Variants in BNC2 observed in about 807,000 individuals in gnomAD.
The protein encoded by BNC2 is basonuclin zinc finger protein 2, also known as zinc finger protein basonuclin-2.
Under a neutral mutation model 76.3 loss-of-function variants are expected in BNC2, and 20 were observed. That is an observed-to-expected ratio of 0.26 (90% CI 0.18 to 0.38). BNC2 has a LOEUF of 0.38. Ranked by LOEUF, BNC2 falls within the 10% of genes least tolerant of loss-of-function variation. BNC2 has a pLI of 1.00. For missense variants in BNC2, 1,382 were observed against 1,399.8 expected (o/e 0.99, Z 0.20); for synonymous variants, 582 against 514.8 (o/e 1.13, Z -1.77).
chr9:16,470,865 A>G (rs11793518), intron 5 of BNC2, among the ~76,000 whole-genome samples: 49,447 of 152,114 alleles, frequency 0.33, 8,420 homozygotes, highest in African/African-American at 0.4. Context: ...AAACATAGGG[A>G]AGGAGACCCC....
chr9:16,856,277 T>TCTCACACA (rs1554752004), intron 1 of BNC2, among the ~76,000 whole-genome samples: 7 of 148,230 alleles, frequency 4.7e-5, no homozygotes, highest in South Asian at 4.3e-4. Context: ...TCTCTCTCTC[T>TCTCACACA]CACACACACA....
Position 16,813,884 on chromosome 9 carries a change from G to A in BNC2, c.3+56762C>T, listed in dbSNP as rs546658928. On this transcript the variant is annotated intron_variant, in intron 1 of 6. Transcript: ENST00000380672. ...TGTCCAGCAGAAATAAAAGCAATGGGAATATGGTTTTCATGACATTCTCAG... is the reference window on the plus strand; with the variant it reads ...TGTCCAGCAGAAATAAAAGCAATGGAAATATGGTTTTCATGACATTCTCAG... Among the ~76,000 whole-genome samples the A allele has an allele frequency of 1.2e-4, 19 of 152,212 alleles. No individual in the cohort carries two copies. The South Asian group carries it at 3.9e-3, about 32-fold the overall frequency.
intron 1 of BNC2, among the ~76,000 whole-genome samples, chr9:16,821,382 T>A (rs1374126815): frequency 6.6e-6 from 1 of 152,184 alleles, no homozygotes; most frequent in African/African-American, 2.4e-5. Flanking sequence ...TGACTACAGT[T>A]ATTTGTTTGC....
intron 3 of BNC2, among the ~76,000 whole-genome samples, chr9:16,618,312 T>G (rs949135800): frequency 6.6e-6 from 1 of 152,222 alleles, no homozygotes; most frequent in African/African-American, 2.4e-5. Flanking sequence ...TCTAGAGCTA[T>G]TCTACGTAGA....
intron 5 of BNC2, among the ~76,000 whole-genome samples, chr9:16,485,878 A>G (rs1257500727): frequency 6.6e-6 from 1 of 152,088 alleles, no homozygotes; most frequent in Non-Finnish European, 1.5e-5. Flanking sequence ...CCCCATTTGT[A>G]CCCCCAAGGG....
Position 16,419,340 on chromosome 9 carries a change from G to A in BNC2, c.2949C>T (p.Gly983=). Residue 983 remains glycine, a synonymous_variant, in exon 7 of 7, where the codon GGC becomes GGT. Coordinates refer to ENST00000380672, the MANE Select transcript of BNC2 (RefSeq NM_017637.6). ...CATCGAGAAGAATCCCCTCATCGCT[G>A]CCTGCGTCGGATTCTCTGGAGGAAT... The part of the protein sequence containing the change: ...SIHSSRESDA[G]SDEGILLDDI... The A allele has an allele frequency of 1.2e-6, 2 of 1,611,574 alleles. No individual in the cohort carries two copies. Among genetic ancestry groups the A allele is most frequent in the East Asian group, 4.5e-5 (2 of 44,786 alleles).
intron 1 of BNC2, among the ~76,000 whole-genome samples, chr9:16,776,355 G>C (rs1041997193): frequency 2.0e-5 from 3 of 152,040 alleles, no homozygotes; most frequent in African/African-American, 4.8e-5. Context: ...GCCCAGGCTG[G>C]TCTCGAACCT....
intron 3 of BNC2, among the ~76,000 whole-genome samples, chr9:16,714,206 G>C (rs374014719): frequency 2.4e-4 from 36 of 152,296 alleles, no homozygotes; most frequent in African/African-American, 7.2e-4. Context: ...GCAGAGGAGA[G>C]AAATGAATGC....
intron 5 of BNC2, among the ~76,000 whole-genome samples, chr9:16,469,487 C>A (rs986860753): frequency 6.6e-6 from 1 of 152,202 alleles, no homozygotes; most frequent in African/African-American, 2.4e-5. Flanking sequence ...CTGAGGCCTC[C>A]TTAGCCATGG....
intron 1 of BNC2, among the ~76,000 whole-genome samples, chr9:16,788,476 C>T (rs1194628929): frequency 6.6e-6 from 1 of 151,308 alleles, no homozygotes; most frequent in Non-Finnish European, 1.5e-5. Flanking sequence ...TGGCGTGAAC[C>T]CAGGAGGCGG....
chr9:16,864,476 C>A (rs532490176), intron 1 of BNC2, among the ~76,000 whole-genome samples: 6 of 152,266 alleles, frequency 3.9e-5, no homozygotes, highest in Admixed American at 3.9e-4. Context: ...TGGATGAAAA[C>A]AATGTGACTG....
chr9:16,512,443 G>A (rs149566930), intron 5 of BNC2, among the ~76,000 whole-genome samples: 4 of 151,898 alleles, frequency 2.6e-5, no homozygotes, highest in African/African-American at 9.7e-5. Flanking sequence ...GGATAATGCT[G>A]ACACACAGCA....
At chr9:16,510,753 A>C (rs1822735715) in intron 5 of BNC2, among the ~76,000 whole-genome samples, 1 of 152,194 alleles carries the variant, frequency 6.6e-6, no homozygotes, top group South Asian at 2.1e-4. Context: ...AAATTTTATC[A>C]CTGAGTGATG....
chr9:16,591,789 G>T (rs996143664), intron 3 of BNC2, among the ~76,000 whole-genome samples: 1 of 152,130 alleles, frequency 6.6e-6, no homozygotes, highest in Non-Finnish European at 1.5e-5. Flanking sequence ...CTAAAAGTAT[G>T]TCTCTTATTT....
intron 3 of BNC2, among the ~76,000 whole-genome samples, chr9:16,718,566 T>A (rs576529122): frequency 6.6e-5 from 10 of 152,228 alleles, no homozygotes; most frequent in Admixed American, 2.0e-4. Context: ...CTAGCGCAAT[T>A]CTAATTTATC....
intron 1 of BNC2, among the ~76,000 whole-genome samples, chr9:16,865,964 C>G (rs1819534256): frequency 6.6e-6 from 1 of 152,034 alleles, no homozygotes; most frequent in Non-Finnish European, 1.5e-5. Context: ...CAAATAAAGA[C>G]TTTTATTGGC....
intron 5 of BNC2, among the ~76,000 whole-genome samples, chr9:16,504,894 T>C (rs1433059793): frequency 1.3e-5 from 2 of 152,330 alleles, no homozygotes; most frequent in Admixed American, 1.3e-4. Context: ...TGTGGGACCA[T>C]GTAATGGTTA....
rs532370341 is a variant in BNC2, at chr9:16,801,964, T to C, written c.4-63479A>G. ...CCCGTTTCAGTATCATCAACTAGTA[T>C]ACAGGAGACATGCAATGGGGCAGTC... On this transcript the variant is annotated intron_variant, in intron 1 of 6. Coordinates refer to ENST00000380672, the MANE Select transcript of BNC2 (RefSeq NM_017637.6). 1.1e-4 allele frequency among the ~76,000 whole-genome samples: 16 copies of C among 152,240 alleles called. No individual in the cohort carries two copies. In the South Asian group the frequency reaches 3.3e-3, roughly 32 times the overall value.
intron 4 of BNC2, among the ~76,000 whole-genome samples, chr9:16,580,871 T>C (rs530075197): frequency 2.0e-5 from 3 of 152,292 alleles, no homozygotes; most frequent in East Asian, 3.9e-4. Flanking sequence ...GACTGTAAAG[T>C]AGGAACTATT....
Sources: allele counts gnomAD v4.1 joint callset (sites outside exome capture counted in the v4.1 genomes callset), GRCh38; gene constraint gnomAD v4.1.1; transcripts MANE v1.5; gene names NCBI Gene and HGNC (gene_info 2026-07-23, HGNC 2026-07-21).